Variants in ERP44 observed in about 807,000 individuals in gnomAD.
ERP44 encodes the protein endoplasmic reticulum protein 44, also known as endoplasmic reticulum resident protein 44.
A neutral mutation model predicts 53.4 loss-of-function variants in ERP44; 25 were observed. The observed-to-expected ratio is 0.47, with a 90% CI of 0.34 to 0.65. ERP44 has a LOEUF of 0.65. ERP44 is among the 30% of genes least tolerant of loss of function. The pLI, the probability that ERP44 is intolerant of heterozygous loss-of-function variation, is 0.01. For missense variants in ERP44, 338 were observed against 493.2 expected, an observed-to-expected ratio of 0.69 and a Z score of 2.98; for synonymous variants, 145 against 161.2, an observed-to-expected ratio of 0.90 and a Z score of 0.76.
intron 2 of ERP44, among the ~76,000 whole-genome samples, chr9:100,059,641 T>C (rs1413280567): frequency 3.3e-5 from 5 of 152,116 alleles, no homozygotes; most frequent in Non-Finnish European, 7.4e-5. Context: ...AAGTGAGCTA[T>C]AATATTATCA....
chr9:99,990,252 G>A (rs1830239377), intron 10 of ERP44, among the ~76,000 whole-genome samples: 1 of 152,158 alleles, frequency 6.6e-6, no homozygotes, highest in African/African-American at 2.4e-5. Context: ...AAATGTTAAG[G>A]GCAGCCAGAG....
chr9:99,988,626 G>A (rs187890080), intron 10 of ERP44, among the ~76,000 whole-genome samples: 12 of 152,266 alleles, frequency 7.9e-5, no homozygotes, highest in Middle Eastern at 3.4e-3. Flanking sequence ...CGCAGAAGAC[G>A]GGTGATTTCT....
chr9:100,000,452 A>AAAC (rs1359744608), intron 10 of ERP44, among the ~76,000 whole-genome samples: 2 of 151,662 alleles, frequency 1.3e-5, no homozygotes, highest in African/African-American at 2.4e-5. Context: ...AAAAAAAAAA[A>AAAC]AACTTTCTCC....
intron 1 of ERP44, among the ~76,000 whole-genome samples, chr9:100,095,510 A>C (rs1826616648): frequency 6.6e-6 from 1 of 152,144 alleles, no homozygotes; most frequent in Non-Finnish European, 1.5e-5. Context: ...TGATGATATG[A>C]AGGAATTTCT....
chr9:100,028,037 C>T (rs1830671910), intron 4 of ERP44, among the ~76,000 whole-genome samples: 1 of 152,182 alleles, frequency 6.6e-6, no homozygotes, highest in South Asian at 2.1e-4. Context: ...GTTCTATGCA[C>T]ATAAAGTCTT....
intron 10 of ERP44, among the ~76,000 whole-genome samples, chr9:99,988,250 G>A (rs1830216337): frequency 6.6e-6 from 1 of 152,056 alleles, no homozygotes; most frequent in Admixed American, 6.5e-5. Context: ...ATCTTTCACA[G>A]AACAAAAGTT....
intron 10 of ERP44, among the ~76,000 whole-genome samples, chr9:99,994,213 C>T (rs533066767): frequency 3.9e-5 from 6 of 152,216 alleles, no homozygotes; most frequent in East Asian, 1.9e-4. Flanking sequence ...ATATGTTAAT[C>T]GCGGCACTAT....
chr9:100,045,727 C>T (rs562281824), intron 4 of ERP44, among the ~76,000 whole-genome samples: 4 of 152,242 alleles, frequency 2.6e-5, no homozygotes, highest in Admixed American at 2.0e-4. Context: ...AGTAGGCTAA[C>T]ATAATACCAG....
At chr9:100,079,633 G>A (rs958135715) in intron 1 of ERP44, among the ~76,000 whole-genome samples, 2 of 152,100 alleles carry the variant, frequency 1.3e-5, no homozygotes, top group African/African-American at 4.8e-5. Flanking sequence ...ATCATGAGAT[G>A]TAAAAAGAGC....
In ERP44 at chr9:100,057,980, T is replaced by C. The variant is rs1335443794; in HGVS notation, c.131-121A>G. 5.6e-6 allele frequency: 4 copies of C among 711,808 alleles called. No homozygotes were observed. The African/African-American group carries it at 7.4e-5, about 13-fold the overall frequency. The allele number at this position is 711,808 out of a possible 1,614,324, so 44.1% of individuals were successfully genotyped here. On this transcript the variant is annotated intron_variant, in intron 2 of 11. Coordinates refer to ENST00000262455, the MANE Select transcript of ERP44 (RefSeq NM_015051.3). ...CCACTTAAAAAAACACAGTAACTATTATCTCTCACTCAGAAACCTAGAGTC... is the reference window on the plus strand; with the variant it reads ...CCACTTAAAAAAACACAGTAACTATCATCTCTCACTCAGAAACCTAGAGTC...
chr9:100,086,135 A>C (rs1007971913), intron 1 of ERP44, among the ~76,000 whole-genome samples: 2 of 152,212 alleles, frequency 1.3e-5, no homozygotes, highest in Admixed American at 1.3e-4. Flanking sequence ...ATGTTTTTCT[A>C]TGTAGTGCAA....
chr9:99,998,965 A>G (rs1830345498), intron 10 of ERP44: 2 of 1,484,904 alleles, frequency 1.3e-6, no homozygotes, highest in African/African-American at 1.4e-5. Flanking sequence ...AAGTTTTTAT[A>G]TTCTGGATCT....
intron 1 of ERP44, among the ~76,000 whole-genome samples, chr9:100,070,444 T>A (rs905212031): frequency 6.6e-6 from 1 of 152,356 alleles, no homozygotes; most frequent in African/African-American, 2.4e-5. Flanking sequence ...AAAGTCATTA[T>A]ATATTCTCTA....
Position 100,050,668 on chromosome 9 carries a change from A to G in ERP44, c.286+1749T>C, listed in dbSNP as rs114587853. On this transcript the variant is annotated intron_variant, in intron 4 of 11. Coordinates refer to ENST00000262455, the MANE Select transcript of ERP44 (RefSeq NM_015051.3). ...AAAAGAATTACATAGAAGAGAAAAAATATTCAGAGAGATGCATAATACCTC... is the reference window on the plus strand; with the variant it reads ...AAAAGAATTACATAGAAGAGAAAAAGTATTCAGAGAGATGCATAATACCTC... Among the ~76,000 whole-genome samples, 70 of 152,348 alleles carry G rather than the reference A, an allele frequency of 4.6e-4. 1 individual carries two copies. The highest frequency in any genetic ancestry group is 1.6e-3 in the African/African-American group (65 of 41,592).
chr9:100,010,867 C>T (rs1195574781), intron 8 of ERP44, among the ~76,000 whole-genome samples: 4 of 147,742 alleles, frequency 2.7e-5, no homozygotes, highest in Admixed American at 6.9e-5. Context: ...CACCATTGCA[C>T]TCCAGCCTGA....
chr9:99,992,443 A>G (rs981620134), intron 10 of ERP44, among the ~76,000 whole-genome samples: 3 of 152,256 alleles, frequency 2.0e-5, no homozygotes, highest in African/African-American at 7.2e-5. Context: ...AGATGCAGAA[A>G]AGGCCTTTGA....
Position 99,981,356 on chromosome 9 carries a change from GTTACATATA to G in ERP44, c.*1247_*1255del, listed in dbSNP as rs1441469208. ...TTTTATTTTAAAAGAATTGGAAGATGTTACATATATTACATACTACATATAATGGCACAT... is the reference window on the plus strand; with the variant it reads ...TTTTATTTTAAAAGAATTGGAAGATGTTACATACTACATATAATGGCACAT... On this transcript the variant is annotated 3_prime_UTR_variant, in exon 12 of 12. Coordinates refer to ENST00000262455, the MANE Select transcript of ERP44 (RefSeq NM_015051.3). The G allele has an allele frequency of 6.6e-6, 1 of 152,614 alleles. No homozygotes were observed. Among genetic ancestry groups the G allele is most frequent in the Non-Finnish European group, 1.5e-5 (1 of 68,028 alleles). 9.5% of individuals were successfully genotyped at this position (152,614 alleles called of 1,614,324 possible).
At chr9:100,061,997 C>A (rs999602212) in intron 1 of ERP44, among the ~76,000 whole-genome samples, 1 of 152,154 alleles carries the variant, frequency 6.6e-6, no homozygotes, top group African/African-American at 2.4e-5. Context: ...TAAAATAATT[C>A]TCTGACATTA....
rs1826049541 is a variant in ERP44, at chr9:100,052,508, A to T, written c.195T>A (p.His65Gln). The change falls in exon 4 of 12, where the codon CAT becomes CAA. Residue 65 changes from histidine (H) to glutamine (Q), a missense_variant. Around this residue, in one of 3 missense-constraint regions of ERP44, gnomAD observed 224 missense variants for 301.4 expected, o/e 0.74. Transcript: ENST00000262455. ...ADWCRFSQML[H>Q]PIFEEASDVI... ...CATCGGAAGCTTCCTCAAAAATTGG[A>T]TGCAACATCTGACTGAAACGACACC... 2 of 1,611,360 alleles carry T rather than the reference A, an allele frequency of 1.2e-6. No homozygotes were observed. Among genetic ancestry groups the T allele is most frequent in the South Asian group, 2.2e-5 (2 of 90,634 alleles).
Sources: gnomAD v4.1 joint callset for allele counts (sites outside exome capture counted in the v4.1 genomes callset) on GRCh38, gnomAD v4.1.1 for gene constraint, gnomAD v4.1.1 regional missense constraint, MANE v1.5 for transcripts, NCBI Gene and HGNC (gene_info 2026-07-23, HGNC 2026-07-21) for gene names.